PLAC1: variants seen among roughly 807,000 people sequenced by gnomAD.
The protein encoded by PLAC1 is placenta-specific protein 1.
For missense variants in PLAC1, 136 were observed against 163.2 expected (o/e 0.83, Z 0.91); for synonymous variants, 68 against 62.1 (o/e 1.09, Z -0.44).
chrX:134,733,469 G>A (rs2078694688), exon 2 of PLAC1: 1 of 111,862 alleles, frequency 8.9e-6, no homozygotes, highest in African/African-American at 3.3e-5. Context: ...CCAGCAGAAA[G>A]ATACTTGCCT....
intron 2 of PLAC1, among the ~76,000 whole-genome samples, chrX:134,580,778 G>A (rs2077970113): frequency 8.9e-6 from 1 of 112,076 alleles, no homozygotes. Flanking sequence ...TCAGCACACA[G>A]TCATTCCTTA....
intron 1 of PLAC1, among the ~76,000 whole-genome samples, chrX:134,638,645 T>G (rs1485210404): frequency 1.8e-5 from 2 of 111,701 alleles, no homozygotes; most frequent in Non-Finnish European, 3.8e-5. Flanking sequence ...TGAAGCTCTC[T>G]GCTGTGTCAA....
chrX:134,715,780 T>C (rs1312683462), intron 2 of PLAC1, among the ~76,000 whole-genome samples: 1 of 112,688 alleles, frequency 8.9e-6, no homozygotes, highest in Non-Finnish European at 1.9e-5. Context: ...CTTAGATACC[T>C]GAGTGACACT....
At chrX:134,703,497 TA>T (rs1253927530) in intron 2 of PLAC1, among the ~76,000 whole-genome samples, 26 of 111,318 alleles carry the variant, frequency 2.3e-4, no homozygotes, top group African/African-American at 8.5e-4. Flanking sequence ...AAACAAAGAC[TA>T]TGAGAGTTTG....
At chrX:134,650,714 C>T (rs2078357873) in intron 1 of PLAC1, 1 of 113,188 alleles carries the variant, frequency 8.8e-6, no homozygotes, top group African/African-American at 3.2e-5. Flanking sequence ...AGAAAAAAGA[C>T]TCAGGATGTT....
At chrX:134,701,913 G>A (rs1338383009) in intron 2 of PLAC1, among the ~76,000 whole-genome samples, 1 of 111,596 alleles carries the variant, frequency 9.0e-6, no homozygotes, top group Admixed American at 9.5e-5. Flanking sequence ...AGCTACTTGC[G>A]GGGGCTAAGT....
intron 2 of PLAC1, among the ~76,000 whole-genome samples, chrX:134,676,133 A>G (rs1316209759): frequency 8.9e-6 from 1 of 112,174 alleles, no homozygotes; most frequent in Non-Finnish European, 1.9e-5. Flanking sequence ...TGTCTATTCA[A>G]TGTTAGGTTA....
chrX:134,685,103 T>C lies in PLAC1; in HGVS notation n.174+48332A>G, dbSNP rs370298721. Among the ~76,000 whole-genome samples, 41 of 112,017 alleles carry C rather than the reference T, an allele frequency of 3.7e-4. 1 individual carries two copies. The South Asian group carries it at 0.015, about 41-fold the overall frequency. ...GAGGAGTAGCTTTAGCCCTGCTGAG[T>C]GAGTGGCTGTGTGTCATGTTCCCTT... On this transcript the variant is annotated intron_variant and non_coding_transcript_variant, in intron 2 of 2. Transcript: ENST00000466797.
intron 1 of PLAC1, chrX:134,760,141 C>CA (rs2078766315): frequency 1.8e-5 from 2 of 111,804 alleles, no homozygotes; most frequent in Non-Finnish European, 3.8e-5. Context: ...TCAATTTGTA[C>CA]AAAAAAATAA....
intron 2 of PLAC1, among the ~76,000 whole-genome samples, chrX:134,569,095 T>G (rs1002635370): frequency 1.8e-5 from 2 of 111,295 alleles, no homozygotes; most frequent in Non-Finnish European, 3.8e-5. Flanking sequence ...AACCCCAAAA[T>G]TAACACCCAA....
chrX:134,614,280 G>GTA lies in PLAC1; in HGVS notation c.-130-12160_-130-12159dup, dbSNP rs753937630. ...ATATTTGAGGTGTATAACATGATGT[G>GTA]TATATATATATACAGTAAAATAATA... On this transcript the variant is annotated intron_variant, in intron 1 of 2. Transcript: ENST00000359237. 5.7e-3 allele frequency among the ~76,000 whole-genome samples: 628 copies of GTA among 110,766 alleles called. 1 individual carries two copies. Among genetic ancestry groups the GTA allele is most frequent in the Non-Finnish European group, 6.7e-3 (356 of 52,895 alleles).
chrX:134,628,231 C>A (rs1410553790), intron 1 of PLAC1, among the ~76,000 whole-genome samples: 4 of 111,851 alleles, frequency 3.6e-5, no homozygotes, highest in Non-Finnish European at 7.5e-5. Flanking sequence ...TTGCACACTT[C>A]CTTCACATTT....
intron 1 of PLAC1, among the ~76,000 whole-genome samples, chrX:134,738,353 G>A (rs1483469510): frequency 3.6e-5 from 4 of 111,794 alleles, no homozygotes; most frequent in Non-Finnish European, 7.5e-5. Flanking sequence ...CAGTTCTCTC[G>A]AAAACAAGAC....
intron 1 of PLAC1, among the ~76,000 whole-genome samples, chrX:134,741,535 T>C (rs907054989): frequency 9.0e-6 from 1 of 110,506 alleles, no homozygotes; most frequent in Non-Finnish European, 1.9e-5. Flanking sequence ...AACACCCTAT[T>C]TTTGCTAAAA....
intron 1 of PLAC1, among the ~76,000 whole-genome samples, chrX:134,629,144 C>T (rs17000676): frequency 0.12 from 13,091 of 111,288 alleles, 1,887 homozygotes; most frequent in African/African-American, 0.4. Flanking sequence ...TGCTGAGCTC[C>T]GGTTAGATGT....
chrX:134,740,181 G>T (rs1310620353), intron 1 of PLAC1, among the ~76,000 whole-genome samples: 3 of 110,095 alleles, frequency 2.7e-5, no homozygotes, highest in African/African-American at 9.9e-5. Flanking sequence ...GCCGGGCGTG[G>T]TGGTGCATGT....
intron 2 of PLAC1, among the ~76,000 whole-genome samples, chrX:134,595,525 A>G (rs1023588771): frequency 3.7e-5 from 4 of 108,874 alleles, no homozygotes; most frequent in Admixed American, 3.0e-4. Context: ...TGCTTCACAA[A>G]CAGCTCTGTT....
At chrX:134,698,463 A>C (rs963298942) in intron 2 of PLAC1, among the ~76,000 whole-genome samples, 4 of 111,913 alleles carry the variant, frequency 3.6e-5, no homozygotes, top group African/African-American at 1.3e-4. Context: ...TCAAAAAAGA[A>C]AAAAATACTG....
At chrX:134,694,051 G>A (rs975794000) in intron 2 of PLAC1, among the ~76,000 whole-genome samples, 1 of 111,048 alleles carries the variant, frequency 9.0e-6, no homozygotes, top group African/African-American at 3.3e-5. Context: ...TTCGAGGTGC[G>A]TTTTGTCTAT....
Sources: gnomAD v4.1 joint callset for allele counts (sites outside exome capture counted in the v4.1 genomes callset) on GRCh38, gnomAD v4.1.1 for gene constraint, MANE v1.5 for transcripts, NCBI Gene and HGNC (gene_info 2026-07-23, HGNC 2026-07-21) for gene names.